The following GRM8 variants were observed in gnomAD, a reference collection of about 807,000 sequenced individuals.
GRM8 encodes the protein metabotropic glutamate receptor 8.
GRM8 carries 47 observed loss-of-function variants against 87.2 expected under a neutral mutation model. The observed-to-expected ratio is 0.54, with a 90% CI of 0.43 to 0.69. The LOEUF is 0.69. GRM8 is among the 30% of genes least tolerant of loss of function. GRM8 has a pLI of 0.00. For missense variants in GRM8, 1,019 were observed against 1,139.2 expected (o/e 0.89, Z 1.52); for synonymous variants, 396 against 404.5 (o/e 0.98, Z 0.25).
chr7:127,219,265 G>A (rs756297549), intron 2 of GRM8, among the ~76,000 whole-genome samples: 2 of 152,108 alleles, frequency 1.3e-5, no homozygotes, highest in Non-Finnish European at 2.9e-5. Flanking sequence ...AATGTCAGCT[G>A]TTACCTCAAG....
At chr7:126,644,966 C>T (rs1182079448) in intron 7 of GRM8, among the ~76,000 whole-genome samples, 1 of 152,192 alleles carries the variant, frequency 6.6e-6, no homozygotes. Flanking sequence ...AAGAGAAGTC[C>T]GACAGTGTTG....
intron 3 of GRM8, among the ~76,000 whole-genome samples, chr7:126,954,969 G>A (rs1214121717): frequency 1.3e-5 from 2 of 152,164 alleles, no homozygotes; most frequent in Non-Finnish European, 2.9e-5. Context: ...AGATTTTCCT[G>A]TAATCCCCAA....
intron 3 of GRM8, among the ~76,000 whole-genome samples, chr7:126,953,958 G>T (rs984716090): frequency 1.3e-5 from 2 of 151,954 alleles, no homozygotes; most frequent in Admixed American, 6.6e-5. Context: ...ACCTAACTAG[G>T]ACTAGAAGAT....
At position 127,191,264 on chromosome 7, in the gene GRM8, T is replaced by A. The variant is rs551448174; in HGVS notation, c.510+51431A>T. ...GCGTCACATTGAAAGAATGCTGAAA[T>A]GAAATTACATTTCATCTCTACAAAA... On this transcript the variant is annotated intron_variant, in intron 2 of 10. Transcript: ENST00000339582. 1.4e-3 allele frequency among the ~76,000 whole-genome samples: 218 copies of A among 152,318 alleles called. 1 individual carries two copies. The South Asian group carries it at 0.017, about 12-fold the overall frequency.
chr7:126,896,394 T>C (rs1801544415), intron 6 of GRM8, among the ~76,000 whole-genome samples: 1 of 152,024 alleles, frequency 6.6e-6, no homozygotes. Flanking sequence ...CAAATGGGGA[T>C]GGCAGAACGC....
intron 3 of GRM8, among the ~76,000 whole-genome samples, chr7:126,961,578 G>A (rs1809326667): frequency 6.6e-6 from 1 of 152,132 alleles, no homozygotes; most frequent in African/African-American, 2.4e-5. Flanking sequence ...CTGCTTAAGT[G>A]GCCTGCTGCT....
chr7:126,578,723 C>T (rs1795327603), intron 8 of GRM8, among the ~76,000 whole-genome samples: 1 of 152,046 alleles, frequency 6.6e-6, no homozygotes, highest in Non-Finnish European at 1.5e-5. Flanking sequence ...TACTTGAAGG[C>T]TGTATAAAGG....
chr7:126,837,483 A>G (rs1795910236), intron 6 of GRM8, among the ~76,000 whole-genome samples: 1 of 152,254 alleles, frequency 6.6e-6, no homozygotes, highest in Non-Finnish European at 1.5e-5. Context: ...CCAAGATGAT[A>G]CAAATGGCCA....
intron 9 of GRM8, among the ~76,000 whole-genome samples, chr7:126,476,097 A>C (rs1272305345): frequency 6.6e-6 from 1 of 152,122 alleles, no homozygotes. Context: ...AAATAAAAAT[A>C]AACAAACGGG....
intron 3 of GRM8, among the ~76,000 whole-genome samples, chr7:127,007,942 A>T (rs1275752959): frequency 6.6e-6 from 1 of 151,978 alleles, no homozygotes; most frequent in African/African-American, 2.4e-5. Context: ...TTTATACCTA[A>T]AAGAGTCAAT....
chr7:127,204,812 G>T (rs571740435), intron 2 of GRM8, among the ~76,000 whole-genome samples: 63 of 152,270 alleles, frequency 4.1e-4, no homozygotes, highest in Non-Finnish European at 7.6e-4. Context: ...TGTTTTCAAT[G>T]CAACCCAGAC....
intron 9 of GRM8, among the ~76,000 whole-genome samples, chr7:126,528,614 TTGTG>T (rs59437677): frequency 0.09 from 13,415 of 149,130 alleles, 643 homozygotes; most frequent in African/African-American, 0.096. Flanking sequence ...ACAAAAGAAG[TTGTG>T]TGTGTGTGTG....
intron 8 of GRM8, among the ~76,000 whole-genome samples, chr7:126,574,762 T>A (rs2150994889): frequency 6.6e-6 from 1 of 152,328 alleles, no homozygotes; most frequent in Non-Finnish European, 1.5e-5. Flanking sequence ...CTATTTTTTT[T>A]AGAAACAGGC....
chr7:126,603,995 T>TA (rs3216287), intron 8 of GRM8, among the ~76,000 whole-genome samples: 35 of 150,478 alleles, frequency 2.3e-4, no homozygotes, highest in African/African-American at 5.8e-4. Context: ...ATTTTTGCAT[T>TA]AAAAAAAAAC....
At chr7:126,548,826 G>C (rs1421417963) in intron 8 of GRM8, among the ~76,000 whole-genome samples, 1 of 152,180 alleles carries the variant, frequency 6.6e-6, no homozygotes, top group Non-Finnish European at 1.5e-5. Flanking sequence ...ACTAGGGGCA[G>C]AAGTACTAGG....
chr7:126,470,411 A>G lies in GRM8; in HGVS notation c.2431-24039T>C, dbSNP rs190990449. On this transcript the variant is annotated intron_variant, in intron 9 of 10. Transcript: ENST00000339582. ...TGTGTCCATGTGTTCTCATTGTTCA[A>G]TTCCTACCTATGAGTGAAAACATGC... 9.2e-3 allele frequency among the ~76,000 whole-genome samples: 1,282 copies of G among 139,240 alleles called. 22 individuals carry two copies. Among genetic ancestry groups the G allele is most frequent in the African/African-American group, 0.032 (1,179 of 36,950 alleles). 91.3% of individuals were successfully genotyped at this position (139,240 alleles called of 152,430 possible). A position where few individuals can be genotyped will look rare whatever the true frequency, so the allele number is the denominator to read the frequency against.
chr7:126,806,669 A>C (rs1426201291), intron 6 of GRM8, among the ~76,000 whole-genome samples: 3 of 152,208 alleles, frequency 2.0e-5, no homozygotes, highest in Non-Finnish European at 4.4e-5. Flanking sequence ...CCATCCCAGA[A>C]ACCCAGCCGG....
chr7:126,927,137 A>T (rs1321607949), intron 3 of GRM8, among the ~76,000 whole-genome samples: 1 of 152,128 alleles, frequency 6.6e-6, no homozygotes, highest in African/African-American at 2.4e-5. Flanking sequence ...TATTATATTT[A>T]AAAACAAAAA....
chr7:126,992,668 G>A (rs1812772630), intron 3 of GRM8, among the ~76,000 whole-genome samples: 1 of 152,106 alleles, frequency 6.6e-6, no homozygotes, highest in African/African-American at 2.4e-5. Flanking sequence ...TTTATATGTT[G>A]AAACCCTCAA....
Sources: allele counts gnomAD v4.1 joint callset (sites outside exome capture counted in the v4.1 genomes callset), GRCh38; gene constraint gnomAD v4.1.1; transcripts MANE v1.5; gene names NCBI Gene and HGNC (gene_info 2026-07-23, HGNC 2026-07-21).